The following STK24 variants were observed in gnomAD, a reference collection of about 807,000 sequenced individuals.
STK24 encodes the protein serine/threonine kinase 24, also known as serine/threonine-protein kinase 24.
In STK24, 21 loss-of-function variants were observed where a neutral mutation model predicts 55.6. The ratio of observed to expected loss-of-function variants is 0.38; its 90% CI spans 0.27 to 0.54. The LOEUF is 0.54. STK24 is among the 20% of genes least tolerant of loss of function. The pLI, the probability that STK24 is intolerant of heterozygous loss-of-function variation, is 0.79. For missense variants in STK24, 383 were observed against 538.4 expected (o/e 0.71, Z 2.86); for synonymous variants, 200 against 215.2 (o/e 0.93, Z 0.62).
intron 2 of STK24, 52 bp from the exon 3 acceptor site, chr13:98,482,373 T>C (rs1430030180): frequency 2.8e-6 from 3 of 1,080,568 alleles, no homozygotes; most frequent in African/African-American, 2.0e-5. Flanking sequence ...TCCAGGAAAA[T>C]TTTTTTTAAT....
rs145641189 is a variant in STK24, at chr13:98,537,397, C to T, written c.43-17924G>A. 2.4e-3 allele frequency among the ~76,000 whole-genome samples: 359 copies of T among 152,334 alleles called. 3 individuals are homozygous for T. Among genetic ancestry groups the T allele is most frequent in the African/African-American group, 8.2e-3 (341 of 41,562 alleles). On this transcript the variant is annotated intron_variant, in intron 1 of 10. Coordinates refer to ENST00000539966, the MANE Select transcript of STK24 (RefSeq NM_001032296.4). ...AGCAGCGGGCTCATTCACAACAGCA[C>T]AGTGCCCGGCACACGGGAGACCTCA...
intron 1 of STK24, among the ~76,000 whole-genome samples, chr13:98,574,845 C>T (rs1365184517): frequency 7.0e-6 from 1 of 143,812 alleles, no homozygotes; most frequent in African/African-American, 2.7e-5. Flanking sequence ...TTCTGACCCA[C>T]TCAAAAAAAA....
intron 1 of STK24, among the ~76,000 whole-genome samples, chr13:98,572,229 C>A (rs1897762214): frequency 6.6e-6 from 1 of 152,144 alleles, no homozygotes; most frequent in African/African-American, 2.4e-5. Flanking sequence ...CGACTCCGGG[C>A]ACTATACTCT....
chr13:98,526,288 G>A (rs1254619838), intron 1 of STK24, among the ~76,000 whole-genome samples: 2 of 152,112 alleles, frequency 1.3e-5, no homozygotes, highest in Non-Finnish European at 2.9e-5. Flanking sequence ...TATGACTCAG[G>A]CATTTTCCCC....
chr13:98,499,553 G>A (rs952424701), intron 2 of STK24, among the ~76,000 whole-genome samples: 1 of 152,192 alleles, frequency 6.6e-6, no homozygotes, highest in African/African-American at 2.4e-5. Context: ...ATGTTTCCAT[G>A]GGGCATTTCA....
At chr13:98,481,103 G>A (rs1433333722) in intron 3 of STK24, among the ~76,000 whole-genome samples, 2 of 152,232 alleles carry the variant, frequency 1.3e-5, no homozygotes, top group African/African-American at 2.4e-5. Flanking sequence ...TGCACTTACA[G>A]AAGGGGTGGG....
intron 8 of STK24, among the ~76,000 whole-genome samples, chr13:98,461,052 AAAAGAGAG>A (rs1197587762): frequency 7.9e-6 from 1 of 126,378 alleles, no homozygotes; most frequent in Non-Finnish European, 1.8e-5. Context: ...TCAAAAAAAA[AAAAGAGAG>A]AGAGAGAGAG....
chr13:98,497,763 G>A (rs530361924), intron 2 of STK24, among the ~76,000 whole-genome samples: 159 of 152,302 alleles, frequency 1.0e-3, no homozygotes, highest in Middle Eastern at 6.8e-3. Context: ...CATCCCTGGC[G>A]CAGAGCTGGG....
At chr13:98,545,164 G>A (rs1232236251) in intron 1 of STK24, among the ~76,000 whole-genome samples, 1 of 152,158 alleles carries the variant, frequency 6.6e-6, no homozygotes, top group African/African-American at 2.4e-5. Context: ...TTTGGTTGAG[G>A]GACAGGCGTA....
chr13:98,522,210 C>A (rs1896287835), intron 1 of STK24: 4 of 513,434 alleles, frequency 7.8e-6, no homozygotes, highest in Non-Finnish European at 1.0e-5. Flanking sequence ...CTGGCTTCTT[C>A]CAGTCCCTCT....
intron 5 of STK24, among the ~76,000 whole-genome samples, chr13:98,471,521 T>TC (rs1299739579): frequency 6.6e-6 from 1 of 151,982 alleles, no homozygotes; most frequent in Non-Finnish European, 1.5e-5. Flanking sequence ...AAACCAAACT[T>TC]CCCCAAATCA....
intron 1 of STK24, among the ~76,000 whole-genome samples, chr13:98,532,418 C>G (rs988016761): frequency 1.3e-5 from 2 of 151,620 alleles, no homozygotes; most frequent in African/African-American, 4.8e-5. Context: ...AGACCCATCC[C>G]ACACCCACCA....
intron 2 of STK24, among the ~76,000 whole-genome samples, chr13:98,497,605 TGGC>T (rs1015576876): frequency 2.6e-5 from 4 of 151,934 alleles, no homozygotes; most frequent in Non-Finnish European, 5.9e-5. Flanking sequence ...AAAACAGAGG[TGGC>T]TCAGGAGACC....
In STK24 at chr13:98,446,499, G is replaced by A. The variant is rs115835673; in HGVS notation, c.*6674C>T. On this transcript the variant is annotated 3_prime_UTR_variant, in exon 11 of 11. Coordinates refer to ENST00000539966, the MANE Select transcript of STK24 (RefSeq NM_001032296.4). The stretch of plus-strand genomic sequence containing the variant: ...TCAGTCCTGGCGGGACTTGCCACCC[G>A]GGCCATCACGTACAGGCAAACACTG... The A allele has an allele frequency of 5.8e-4, 392 of 680,728 alleles. 2 individuals carry two copies. The African/African-American group carries it at 6.3e-3, about 11-fold the overall frequency. 42.2% of individuals were successfully genotyped at this position (680,728 alleles called of 1,614,324 possible). A position where few individuals can be genotyped will look rare whatever the true frequency, so the allele number is the denominator to read the frequency against.
intron 2 of STK24, among the ~76,000 whole-genome samples, chr13:98,507,296 G>C (rs1159150332): frequency 1.3e-5 from 2 of 152,206 alleles, no homozygotes; most frequent in East Asian, 3.9e-4. Flanking sequence ...CAGGAATGAG[G>C]AAACTCTGGC....
chr13:98,527,601 G>A (rs1217297554), intron 1 of STK24, among the ~76,000 whole-genome samples: 3 of 152,168 alleles, frequency 2.0e-5, no homozygotes, highest in African/African-American at 2.4e-5. Flanking sequence ...ACTCTTCTCT[G>A]AACCCACCTC....
At chr13:98,480,516 A>G (rs1894541619) in intron 3 of STK24, among the ~76,000 whole-genome samples, 1 of 152,216 alleles carries the variant, frequency 6.6e-6, no homozygotes, top group African/African-American at 2.4e-5. Flanking sequence ...TGTAAAAGTA[A>G]TCCCACTACA....
At chr13:98,497,806 A>G (rs1375557899) in intron 2 of STK24, among the ~76,000 whole-genome samples, 1 of 152,238 alleles carries the variant, frequency 6.6e-6, no homozygotes, top group African/African-American at 2.4e-5. Flanking sequence ...AAACTGGCAC[A>G]GCAATGGAAA....
chr13:98,563,840 A>T (rs1345419654), intron 1 of STK24, among the ~76,000 whole-genome samples: 1 of 151,932 alleles, frequency 6.6e-6, no homozygotes, highest in Admixed American at 6.6e-5. Flanking sequence ...AGCCTGGGTG[A>T]AGGAGCGAGA....
Sources: gnomAD v4.1 joint callset for allele counts (sites outside exome capture counted in the v4.1 genomes callset) on GRCh38, gnomAD v4.1.1 for gene constraint, MANE v1.5 for transcripts, NCBI Gene and HGNC (gene_info 2026-07-23, HGNC 2026-07-21) for gene names.